The following CCDC171 variants were observed in gnomAD, a reference collection of about 807,000 sequenced individuals.
The protein encoded by CCDC171 is coiled-coil domain containing 171.
Under a neutral mutation model 168.2 loss-of-function variants are expected in CCDC171, and 177 were observed. The ratio of observed to expected loss-of-function variants is 1.05; its 90% confidence interval spans 0.93 to 1.19. The LOEUF (loss-of-function observed/expected upper bound fraction) is 1.19. CCDC171 is among the 50% of genes most tolerant of loss of function. The pLI, the probability that CCDC171 is intolerant of heterozygous loss-of-function variation, is 0.00. For synonymous variants in CCDC171, 687 were observed against 540.8 expected, an observed-to-expected ratio of 1.27 and a Z score of -3.75; for missense variants, 1,991 against 1,539.0, an observed-to-expected ratio of 1.29 and a Z score of -4.91.
intron 16 of CCDC171, among the ~76,000 whole-genome samples, chr9:15,738,974 A>G (rs946717715): frequency 1.3e-5 from 2 of 152,222 alleles, no homozygotes; most frequent in African/African-American, 2.4e-5. Flanking sequence ...TTTATTAAAT[A>G]CCTACAGAGT....
intron 6 of CCDC171, among the ~76,000 whole-genome samples, chr9:15,620,403 G>A (rs2044410969): frequency 6.6e-6 from 1 of 152,136 alleles, no homozygotes; most frequent in South Asian, 2.1e-4. Context: ...TAACTTTGGG[G>A]GTGGGGGCAG....
chr9:15,831,008 C>T (rs974687159), intron 21 of CCDC171, among the ~76,000 whole-genome samples: 7 of 146,930 alleles, frequency 4.8e-5, no homozygotes, highest in African/African-American at 1.3e-4. Flanking sequence ...CTCGCTCTGC[C>T]GCCCAGGCTG....
chr9:15,847,168 C>T (rs2060934032), intron 22 of CCDC171, among the ~76,000 whole-genome samples: 1 of 151,910 alleles, frequency 6.6e-6, no homozygotes, highest in African/African-American at 2.4e-5. Context: ...TGCATAGTAT[C>T]TTCTGTTATA....
At chr9:15,940,992 C>T (rs1025753189) in intron 25 of CCDC171, among the ~76,000 whole-genome samples, 6 of 151,906 alleles carry the variant, frequency 3.9e-5, no homozygotes, top group Non-Finnish European at 8.8e-5. Flanking sequence ...TAGATAATCT[C>T]TAAGGTGCCT....
intron 25 of CCDC171, among the ~76,000 whole-genome samples, chr9:15,951,303 G>C (rs201563858): frequency 5.7e-4 from 86 of 151,280 alleles, no homozygotes; most frequent in Admixed American, 1.2e-3. Context: ...CTCTCCACCC[G>C]AAATCAACAG....
At chr9:16,108,468 G>A in the CCDC171 span, among the ~76,000 whole-genome samples, 1 of 152,202 alleles carries the variant, frequency 6.6e-6, no homozygotes, top group East Asian at 1.9e-4. Context: ...TGCAGAATGA[G>A]TGTCCCCATA....
At chr9:15,634,258 A>G (rs1389293842) in intron 7 of CCDC171, among the ~76,000 whole-genome samples, 1 of 152,204 alleles carries the variant, frequency 6.6e-6, no homozygotes, top group Non-Finnish European at 1.5e-5. Context: ...AAAAAATTAA[A>G]GATATAATTT....
intron 3 of CCDC171, among the ~76,000 whole-genome samples, chr9:15,993,070 T>C (rs926588827): frequency 6.6e-6 from 1 of 152,196 alleles, no homozygotes; most frequent in Non-Finnish European, 1.5e-5. Flanking sequence ...CCAATGACTG[T>C]CTTCACAGAA....
At chr9:16,008,412 G>A (rs1003657081) in intron 3 of CCDC171, among the ~76,000 whole-genome samples, 3 of 151,914 alleles carry the variant, frequency 2.0e-5, no homozygotes, top group South Asian at 2.1e-4. Flanking sequence ...ATACTTGTCC[G>A]CACATTCGTG....
chr9:15,664,565 T>TATACACACACACACACACACAC (rs2048575558), intron 8 of CCDC171, among the ~76,000 whole-genome samples: 1 of 4,940 alleles, frequency 2.0e-4, no homozygotes, highest in Non-Finnish European at 4.5e-4. Context: ...CCCTTAAATT[T>TATACACACACACACACACACAC]ATACACACAC....
At chr9:16,084,954 C>T in the CCDC171 span, among the ~76,000 whole-genome samples, 1 of 152,220 alleles carries the variant, frequency 6.6e-6, no homozygotes, top group Non-Finnish European at 1.5e-5. Flanking sequence ...GCATCAGTTT[C>T]ATTTGCTATG....
intron 21 of CCDC171, among the ~76,000 whole-genome samples, chr9:15,789,405 A>G (rs2058131567): frequency 6.6e-6 from 1 of 152,170 alleles, no homozygotes; most frequent in South Asian, 2.1e-4. Flanking sequence ...ACCAGCAGAT[A>G]GGAGCTTGAA....
At chr9:15,946,628 T>TCAAG (rs1649290979) in intron 25 of CCDC171, among the ~76,000 whole-genome samples, 1 of 151,984 alleles carries the variant, frequency 6.6e-6, no homozygotes, top group Admixed American at 6.6e-5. Flanking sequence ...GCCATCCCCA[T>TCAAG]CAAGCTACCA....
At chr9:16,099,320 C>G in the CCDC171 span, among the ~76,000 whole-genome samples, 6 of 152,132 alleles carry the variant, frequency 3.9e-5, no homozygotes, top group African/African-American at 9.7e-5. Flanking sequence ...CATTTCACAA[C>G]AGAGGAAAAG....
intron 3 of CCDC171, among the ~76,000 whole-genome samples, chr9:16,004,333 T>C (rs1287350611): frequency 6.6e-6 from 1 of 152,034 alleles, no homozygotes; most frequent in African/African-American, 2.4e-5. Context: ...GAAAAATAAC[T>C]GAAAGAAAGA....
Position 15,724,922 on chromosome 9 carries a change from C to G in CCDC171, c.1638C>G (p.Ala546=). 3 of 1,613,862 alleles carry G rather than the reference C, an allele frequency of 1.9e-6. No individual in the cohort carries two copies. The highest frequency in any genetic ancestry group is 1.7e-6 in the Non-Finnish European group (2 of 1,179,870). ...HCWEKEKAQA[A]QSESELQKLS... is the part of the protein sequence containing the mutation. ...GGGAGAAAGAAAAGGCTCAGGCAGC[C>G]CAGTCTGAAAGTGAACTGCAGAAGC... Residue 546 remains alanine, a synonymous_variant, in exon 14 of 26, where the codon GCC becomes GCG. Coordinates refer to ENST00000380701, the MANE Select transcript of CCDC171 (RefSeq NM_173550.4).
chr9:15,715,868 C>G (rs2053044296), intron 11 of CCDC171, among the ~76,000 whole-genome samples: 1 of 152,122 alleles, frequency 6.6e-6, no homozygotes, highest in East Asian at 1.9e-4. Context: ...TTGAGATTGT[C>G]TAAAAGGAAA....
At chr9:15,702,039 T>G (rs1382590003) in intron 11 of CCDC171, among the ~76,000 whole-genome samples, 2 of 152,258 alleles carry the variant, frequency 1.3e-5, no homozygotes, top group African/African-American at 2.4e-5. Context: ...ACAGAATGGA[T>G]GTTGTGTTAC....
chr9:16,050,207 G>C (rs1160803397), intron 1 of CCDC171, among the ~76,000 whole-genome samples: 1 of 152,174 alleles, frequency 6.6e-6, no homozygotes, highest in Non-Finnish European at 1.5e-5. Flanking sequence ...ATTTCTTACA[G>C]CACAATGGAA....
Sources: gnomAD v4.1 joint callset for allele counts (sites outside exome capture counted in the v4.1 genomes callset) on GRCh38, gnomAD v4.1.1 for gene constraint, MANE v1.5 for transcripts, NCBI Gene and HGNC (gene_info 2026-07-23, HGNC 2026-07-21) for gene names.